KLF10: variants seen among roughly 807,000 people sequenced by gnomAD.
KLF10 encodes the protein Krueppel-like factor 10.
A neutral mutation model predicts 31.6 loss-of-function variants in KLF10; 17 were observed. That is an observed-to-expected ratio of 0.54 (90% CI 0.37 to 0.81). The LOEUF is 0.81. Among genes scored for constraint, KLF10 ranks in the 30% least tolerant of loss-of-function variants. The probability of loss-of-function intolerance (pLI) is 0.00; values close to 1 mark genes in which losing one functional copy is unlikely to be tolerated. For synonymous variants in KLF10, 239 were observed against 215.1 expected (o/e 1.11, Z -0.97); for missense variants, 525 against 598.1 (o/e 0.88, Z 1.27).
intron 1 of KLF10, chr8:102,653,931 G>A: frequency 3.0e-6 from 3 of 987,848 alleles, no homozygotes; most frequent in Non-Finnish European, 3.6e-6. Flanking sequence ...CCTAGCTGGC[G>A]GAGACCGACG....
chr8:102,653,904 C>G (rs1182203255), intron 1 of KLF10: 24 of 822,436 alleles, frequency 2.9e-5, no homozygotes, highest in Non-Finnish European at 3.2e-5. Flanking sequence ...GGGGCGGGGG[C>G]GGACGGCGGG....
rs1827174469 is a variant in KLF10 at position 102,650,301 on chromosome 8, C to T, written c.1274G>A (p.Gly425Asp). ...CATGGGGCACGCAAATTTCTTCTCA[C>T]CCGTGTGGGTTCGCCTGTGTCTGGA... ...ELSRHRRTHTGEKKFACPMCD... is the reference protein window; with the variant it reads ...ELSRHRRTHTDEKKFACPMCD... Residue 425 changes from glycine to aspartate, a missense_variant, in exon 4 of 4, where the codon GGT (glycine) becomes GAT (aspartate). Transcript: ENST00000285407. 1 of 1,614,110 alleles carries T rather than the reference C, an allele frequency of 6.2e-7. No homozygotes were observed. The highest frequency in any genetic ancestry group is 8.5e-7 in the Non-Finnish European group (1 of 1,180,046).
chr8:102,654,496 G>C (rs1046465010), intron 1 of KLF10: 1 of 151,604 alleles, frequency 6.6e-6, no homozygotes, highest in African/African-American at 2.4e-5. Context: ...CTCAGATGCG[G>C]GAGGAGGAGC....
intron 1 of KLF10, chr8:102,653,716 T>C (rs1337185808): frequency 8.3e-6 from 10 of 1,204,462 alleles, no homozygotes; most frequent in African/African-American, 1.6e-5. Flanking sequence ...ACAGCGCGCG[T>C]GTGTGTAACA....
intron 1 of KLF10, chr8:102,653,779 A>G: frequency 9.2e-7 from 1 of 1,086,206 alleles, no homozygotes; most frequent in Non-Finnish European, 1.1e-6. Flanking sequence ...GCGGCAGGGA[A>G]AGAGAGCGTG....
Position 102,651,482 on chromosome 8 carries a change from G to C in KLF10, c.850C>G (p.Pro284Ala), listed in dbSNP as rs1827210283. 1 of 1,613,888 alleles carries C rather than the reference G, an allele frequency of 6.2e-7. No individual in the cohort carries two copies. Among genetic ancestry groups the C allele is most frequent in the Admixed American group, 1.7e-5 (1 of 59,994 alleles). The change falls in exon 3 of 4, where the codon CCT becomes GCT. Residue 284 changes from proline to alanine, a missense_variant. By Grantham distance (27) the Pro-to-Ala change is conservative (BLOSUM62 -1). This residue lies in a region of KLF10 where 434 missense variants were observed against 450.7 expected (regional missense o/e 0.96). Transcript: ENST00000285407. ...CTGGGAACGACTGTTGTCACAACAG[G>C]GTTGTTGGCAGGAAGGGGAACCATC... ...CQMVPLPANN[P>A]VVTTVVPSTP...
intron 1 of KLF10, chr8:102,653,843 G>C: frequency 1.0e-6 from 1 of 985,344 alleles, no homozygotes; most frequent in African/African-American, 1.7e-5. Context: ...AGTGGGGCGC[G>C]AGGCAGGAAA....
intron 1 of KLF10, among the ~76,000 whole-genome samples, chr8:102,652,625 A>AT (rs900074027): frequency 2.8e-4 from 42 of 152,196 alleles, no homozygotes; most frequent in African/African-American, 1.0e-3. Flanking sequence ...AATCTTCCTC[A>AT]TTTTTTCTGT....
rs773878194 is a variant in KLF10 at position 102,652,228 on chromosome 8, G to C, written c.206C>G (p.Ser69Cys). The change falls in exon 2 of 4, where the codon TCT (serine) becomes TGT (cysteine). Residue 69 changes from serine to cysteine, a missense_variant. Ser to Cys is a moderately radical substitution (Grantham distance 112, BLOSUM62 -1). This residue lies in a region of KLF10 where 434 missense variants were observed against 450.7 expected (regional missense o/e 0.96). Coordinates refer to ENST00000285407, the MANE Select transcript of KLF10 (RefSeq NM_005655.4). ...YVENRPVTPV[S>C]DLSEEENLLP... ...CAGATTCTCTTCCTCTGACAAATCA[G>C]ATACTGGTGTAACAGGTCTGTTTTC... 5 of 1,611,950 alleles carry C rather than the reference G, an allele frequency of 3.1e-6. No individual in the cohort carries two copies. In the African/African-American group the frequency reaches 6.7e-5, roughly 22 times the overall value.
chr8:102,654,902 G>A (rs1563962066), intron 1 of KLF10, among the ~76,000 whole-genome samples: 1 of 152,110 alleles, frequency 6.6e-6, no homozygotes. Context: ...CCCTCCAGAC[G>A]TCTGGGGGAG....
At chr8:102,653,183 TCC>T (rs1169463800) in intron 1 of KLF10, among the ~76,000 whole-genome samples, 2 of 152,230 alleles carry the variant, frequency 1.3e-5, no homozygotes, top group Non-Finnish European at 1.5e-5. Flanking sequence ...ATATTTGTGC[TCC>T]CTTTTACTGA....
chr8:102,655,695 T>C lies in KLF10; in HGVS notation c.-94A>G. ...GGCGCACGGAGACACTCGACGCCGC[T>C]CCCGCCGCCGCCGCGCTCAGCGCCG... On this transcript the variant is annotated 5_prime_UTR_variant, in exon 1 of 4. Transcript: ENST00000285407. 1 of 1,420,342 alleles carries C rather than the reference T, an allele frequency of 7.0e-7. No individual in the cohort carries two copies. Among genetic ancestry groups the C allele is most frequent in the Non-Finnish European group, 9.8e-7 (1 of 1,024,392 alleles). 88.0% of individuals were successfully genotyped at this position (1,420,342 alleles called of 1,614,324 possible).
rs1212373455 is a variant in KLF10, at chr8:102,655,596, G to A, written c.6C>T (p.Leu2=). The change falls in exon 1 of 4, where the codon CTC becomes CTT. Residue 2 remains leucine, a synonymous_variant. Transcript: ENST00000285407. M[L]NFGASLQQTA... ...TCTGCTGGAGAGAGGCACCGAAGTT[G>A]AGCATGGTTGGCTGCTTGGCCGCCG... is the stretch of plus-strand genomic sequence containing the variant. The A allele has an allele frequency of 6.2e-7, 1 of 1,614,006 alleles. No individual in the cohort carries two copies. The highest frequency in any genetic ancestry group is 1.3e-5 in the African/African-American group (1 of 74,944).
chr8:102,651,339 A>AGG lies in KLF10; in HGVS notation c.991_992dup (p.Pro332LeufsTer4). Reference sequence around the variant, plus strand: ...TGGTGCCATTCGGGCTCACCACCGGAGGCTTTGAACTCTGCACAACGGGCT... The same window carrying AGG: ...TGGTGCCATTCGGGCTCACCACCGGAGGGGCTTTGAACTCTGCACAACGGGCT... On this transcript the variant is annotated frameshift_variant, in exon 3 of 4. Coordinates refer to ENST00000285407, the MANE Select transcript of KLF10 (RefSeq NM_005655.4). LOFTEE classifies it high-confidence loss of function. 6.3e-7 allele frequency: 1 copy of AGG among 1,597,240 alleles called. No homozygotes were observed. Among genetic ancestry groups the AGG allele is most frequent in the Non-Finnish European group, 8.5e-7 (1 of 1,171,716 alleles).
chr8:102,652,516 A>G lies in KLF10; in HGVS notation c.37-119T>C. On this transcript the variant is annotated intron_variant, in intron 1 of 3. Coordinates refer to ENST00000285407, the MANE Select transcript of KLF10 (RefSeq NM_005655.4). ...ACAACTCACACAACTTTCCAAATTA[A>G]AATCAGAAATAATTTTCCTCTCACA... The G allele has an allele frequency of 8.4e-6, 5 of 592,384 alleles. No individual in the cohort carries two copies. In the South Asian group the frequency reaches 9.8e-5, roughly 12 times the overall value. The allele number at this position is 592,384 out of a possible 1,614,324, so 36.7% of individuals were successfully genotyped here.
Position 102,653,142 on chromosome 8 carries a change from ATGTT to A in KLF10, c.37-749_37-746del, listed in dbSNP as rs538622186. Among the ~76,000 whole-genome samples, 439 of 152,312 alleles carry A rather than the reference ATGTT, an allele frequency of 2.9e-3. 3 individuals are homozygous for A. The highest frequency in any genetic ancestry group is 9.7e-3 in the African/African-American group (405 of 41,558). On this transcript the variant is annotated intron_variant, in intron 1 of 3. Transcript: ENST00000285407. ...GTGATATACATAGAAAAAAATTCTA[ATGTT>A]TATTTTAATTAACTTTCAACCTCTT...
In KLF10 at chr8:102,651,172, T is replaced by G. The variant is rs766853221; in HGVS notation, c.1160A>C (p.Lys387Thr). 2.6e-6 allele frequency: 4 copies of G among 1,510,544 alleles called. No homozygotes were observed. The highest frequency in any genetic ancestry group is 2.7e-6 in the Non-Finnish European group (3 of 1,128,732). 93.6% of individuals were successfully genotyped at this position (1,510,544 alleles called of 1,614,324 possible). ...ACCTGTGTGCGTCCTCGTGTGGGCC[T>G]TCAGATGGGAACTTTTAAAGTATGT... is the stretch of plus-strand genomic sequence containing the variant. ...GKTYFKSSHL[K>T]AHTRTHTGEK... is the part of the protein sequence containing the mutation. Residue 387 changes from lysine to threonine, a missense_variant, in exon 3 of 4, where the codon AAG becomes ACG. Around this residue, in one of 3 missense-constraint regions of KLF10, gnomAD observed 49 missense variants for 105.0 expected, o/e 0.47. Transcript: ENST00000285407.
Position 102,651,568 on chromosome 8 carries a change from A to G in KLF10, c.764T>C (p.Val255Ala). 1 of 1,614,222 alleles carries G rather than the reference A, an allele frequency of 6.2e-7. No individual in the cohort carries two copies. Among genetic ancestry groups the G allele is most frequent in the Non-Finnish European group, 8.5e-7 (1 of 1,180,042 alleles). Residue 255 changes from valine (V) to alanine (A), a missense_variant, in exon 3 of 4, where the codon GTG becomes GCG. Transcript: ENST00000285407. ...AGATACTGCAGGTGGAGAGACCAAC[A>G]CTGACTTCTGTTGTGGGGACACAGG... ...PAPVSPQQKSVLVSPPAVSAG... is the reference protein window; with the variant it reads ...PAPVSPQQKSALVSPPAVSAG...
chr8:102,654,050 G>A, intron 1 of KLF10: 1 of 925,232 alleles, frequency 1.1e-6, no homozygotes, highest in Non-Finnish European at 1.3e-6. Flanking sequence ...GGCCGGCTCG[G>A]CGGCCCGAGC....
Sources: gnomAD v4.1 joint callset for allele counts (sites outside exome capture counted in the v4.1 genomes callset) on GRCh38, gnomAD v4.1.1 for gene constraint, gnomAD v4.1.1 regional missense constraint, MANE v1.5 for transcripts, NCBI Gene and HGNC (gene_info 2026-07-23, HGNC 2026-07-21) for gene names.